The following TMEM39A variants were observed in gnomAD, a reference collection of about 807,000 sequenced individuals.
The protein encoded by TMEM39A is suppressor of SQST-1 aggregates in rpl-43 mutants.
A neutral mutation model predicts 51.9 loss-of-function variants in TMEM39A; 19 were observed. The ratio of observed to expected loss-of-function variants is 0.37; its 90% confidence interval spans 0.26 to 0.54. The LOEUF (loss-of-function observed/expected upper bound fraction) is 0.54, where lower values mean the gene tolerates loss of function less well. Ranked by LOEUF, TMEM39A falls within the 20% of genes least tolerant of loss-of-function variation. The pLI, the probability that TMEM39A is intolerant of heterozygous loss-of-function variation, is 0.88. For synonymous variants in TMEM39A, 197 were observed against 220.2 expected (o/e 0.89, Z 0.93); for missense variants, 433 against 590.5 (o/e 0.73, Z 2.76).
At chr3:119,453,214 T>G (rs2107683387) in intron 3 of TMEM39A, among the ~76,000 whole-genome samples, 1 of 152,344 alleles carries the variant, frequency 6.6e-6, no homozygotes, top group Non-Finnish European at 1.5e-5. Flanking sequence ...TCAAAAGGTC[T>G]GTAGGTTTCC....
intron 3 of TMEM39A, among the ~76,000 whole-genome samples, chr3:119,456,927 AC>A (rs1183103399): frequency 6.7e-6 from 1 of 149,992 alleles, no homozygotes; most frequent in Non-Finnish European, 1.5e-5. Context: ...TTTTTTATAT[AC>A]CCATCTATGG....
intron 3 of TMEM39A, among the ~76,000 whole-genome samples, chr3:119,453,812 T>C (rs1244109601): frequency 6.6e-6 from 1 of 152,210 alleles, no homozygotes; most frequent in Non-Finnish European, 1.5e-5. Flanking sequence ...ATATCTTCAA[T>C]AAATTTGTTT....
chr3:119,455,880 G>A (rs1251902379), intron 3 of TMEM39A, among the ~76,000 whole-genome samples: 1 of 152,152 alleles, frequency 6.6e-6, no homozygotes, highest in Non-Finnish European at 1.5e-5. Context: ...AATAAATATA[G>A]GACTAAAACA....
chr3:119,446,356 AC>A (rs1169747662), intron 5 of TMEM39A, among the ~76,000 whole-genome samples: 1 of 150,580 alleles, frequency 6.6e-6, no homozygotes, highest in Non-Finnish European at 1.5e-5. Context: ...CCATCTAATA[AC>A]CAAGTCCGCT....
intron 6 of TMEM39A, 127 bp from the exon 7 acceptor site, chr3:119,437,105 T>A: frequency 1.2e-6 from 1 of 813,906 alleles, no homozygotes; most frequent in Non-Finnish European, 1.9e-6. Context: ...GGTCCTGCTG[T>A]CCGTGCAGAA....
Position 119,436,895 on chromosome 3 carries a change from T to G in TMEM39A, c.1008A>C (p.Gln336His). The change falls in exon 7 of 9, where the codon CAA becomes CAC. Residue 336 changes from glutamine (Q) to histidine (H), a missense_variant. Around this residue, in one of 3 missense-constraint regions of TMEM39A, gnomAD observed 223 missense variants for 328.1 expected, o/e 0.68. Coordinates refer to ENST00000319172, the MANE Select transcript of TMEM39A (RefSeq NM_018266.3). ...AATCACAGTATTTGGATGGCAACAG[T>G]TGCGTGGTGAGCATGACAAAAGCAT... Reference protein sequence around the residue: ...WINAFVMLTTQLLPSKYCDLL... With the variant: ...WINAFVMLTTHLLPSKYCDLL... 6.2e-7 allele frequency: 1 copy of G among 1,614,042 alleles called. No homozygotes were observed. The highest frequency in any genetic ancestry group is 8.5e-7 in the Non-Finnish European group (1 of 1,179,940).
At chr3:119,462,632 A>AGGG (rs2081352547) in intron 1 of TMEM39A, among the ~76,000 whole-genome samples, 1 of 2,452 alleles carries the variant, frequency 4.1e-4, no homozygotes, top group Admixed American at 3.2e-3. Context: ...GTGTTTCTTC[A>AGGG]AGGGGGGGGG....
At chr3:119,441,666 A>G (rs2081055703) in intron 5 of TMEM39A, among the ~76,000 whole-genome samples, 1 of 152,242 alleles carries the variant, frequency 6.6e-6, no homozygotes, top group African/African-American at 2.4e-5. Flanking sequence ...AGTTATCCAG[A>G]AGACCTAGCT....
At chr3:119,443,993 A>G (rs950593503) in intron 5 of TMEM39A, among the ~76,000 whole-genome samples, 1 of 152,198 alleles carries the variant, frequency 6.6e-6, no homozygotes, top group Non-Finnish European at 1.5e-5. Context: ...CAAAAAATTG[A>G]CATGACTCGT....
intron 3 of TMEM39A, among the ~76,000 whole-genome samples, chr3:119,456,024 A>C (rs1386188833): frequency 6.6e-6 from 1 of 152,212 alleles, no homozygotes; most frequent in East Asian, 1.9e-4. Context: ...ATTTTGTCTT[A>C]CATTCATATA....
intron 5 of TMEM39A, among the ~76,000 whole-genome samples, chr3:119,443,110 C>T (rs962758646): frequency 1.3e-5 from 2 of 148,884 alleles, no homozygotes; most frequent in Non-Finnish European, 3.0e-5. Flanking sequence ...GATGTGGCTG[C>T]ACTCTCTCAC....
At chr3:119,455,701 T>C (rs2081255091) in intron 3 of TMEM39A, among the ~76,000 whole-genome samples, 1 of 152,222 alleles carries the variant, frequency 6.6e-6, no homozygotes. Context: ...ACTGGCTCCC[T>C]GTTTCAAGGC....
chr3:119,453,492 G>T (rs9815589), intron 3 of TMEM39A, among the ~76,000 whole-genome samples: 440 of 152,322 alleles, frequency 2.9e-3, no homozygotes, highest in African/African-American at 9.9e-3. Flanking sequence ...TCATTTTCCA[G>T]CCTCCCTTGC....
Position 119,430,570 on chromosome 3 carries a change from G to A in TMEM39A, c.*1411C>T, listed in dbSNP as rs1289516885. On this transcript the variant is annotated 3_prime_UTR_variant, in exon 9 of 9. Transcript: ENST00000319172. ...ACTGGTTAATATATATTTGTTGAAT[G>A]GTTGAACAGACTCAGACTGAATGCC... is the stretch of plus-strand genomic sequence containing the variant. 1 of 151,768 alleles carries A rather than the reference G, an allele frequency of 6.6e-6. No individual in the cohort carries two copies. Among genetic ancestry groups the A allele is most frequent in the East Asian group, 1.9e-4 (1 of 5,196 alleles). The allele number at this position is 151,768 out of a possible 1,614,324, so 9.4% of individuals were successfully genotyped here. A position where few individuals can be genotyped will look rare whatever the true frequency, so the allele number is the denominator to read the frequency against.
chr3:119,441,441 G>C (rs922749381), intron 5 of TMEM39A, among the ~76,000 whole-genome samples: 5 of 152,176 alleles, frequency 3.3e-5, no homozygotes, highest in Non-Finnish European at 2.9e-5. Context: ...ATATGGTCTG[G>C]ATCGACCAGC....
chr3:119,429,393 C>T lies in TMEM39A; in HGVS notation c.*2588G>A. On this transcript the variant is annotated 3_prime_UTR_variant, in exon 9 of 9. Transcript: ENST00000319172. ...CCTTTATTTACCCACCTTAGACCACCCAGACTAGTCAAGTATCTTCTTTCC... is the reference window on the plus strand; with the variant it reads ...CCTTTATTTACCCACCTTAGACCACTCAGACTAGTCAAGTATCTTCTTTCC... The T allele has an allele frequency of 6.6e-6, 1 of 151,966 alleles. No homozygotes were observed. Among genetic ancestry groups the T allele is most frequent in the South Asian group, 2.1e-4 (1 of 4,814 alleles). The allele number at this position is 151,966 out of a possible 1,614,324, so 9.4% of individuals were successfully genotyped here.
At chr3:119,452,223 A>C (rs1251964811) in intron 4 of TMEM39A, among the ~76,000 whole-genome samples, 5 of 152,228 alleles carry the variant, frequency 3.3e-5, no homozygotes, top group Non-Finnish European at 7.3e-5. Flanking sequence ...CAGTAGCGGA[A>C]CACAAGCTCC....
At chr3:119,435,993 G>C in intron 7 of TMEM39A, 1 of 1,226,652 alleles carries the variant, frequency 8.2e-7, no homozygotes, top group South Asian at 1.3e-5. Context: ...GAGAGGGAAA[G>C]GGAAGGTCAC....
intron 6 of TMEM39A, among the ~76,000 whole-genome samples, chr3:119,437,523 T>TAA (rs543556839): frequency 0.028 from 2,713 of 96,546 alleles, 86 homozygotes; most frequent in African/African-American, 0.095. Context: ...TAAAAATACT[T>TAA]AAAAAAAAAA....
Sources: allele counts gnomAD v4.1 joint callset (sites outside exome capture counted in the v4.1 genomes callset), GRCh38; gene constraint gnomAD v4.1.1; regional missense constraint gnomAD v4.1.1; transcripts MANE v1.5; gene names NCBI Gene and HGNC (gene_info 2026-07-23, HGNC 2026-07-21).